The following DUSP11 variants were observed in gnomAD, a reference collection of about 807,000 sequenced individuals.
DUSP11 encodes the protein dual specificity phosphatase 11.
DUSP11 carries 27 observed loss-of-function variants against 41.4 expected under a neutral mutation model. The ratio of observed to expected loss-of-function variants is 0.65; its 90% CI spans 0.48 to 0.90. The LOEUF (loss-of-function observed/expected upper bound fraction) is 0.90, where lower values mean the gene tolerates loss of function less well. Ranked by LOEUF, DUSP11 falls within the 40% of genes least tolerant of loss-of-function variation. DUSP11 has a pLI of 0.00. For missense variants in DUSP11, 465 were observed against 461.1 expected (o/e 1.01, Z -0.08); for synonymous variants, 188 against 159.3 (o/e 1.18, Z -1.35).
chr2:73,779,258 A>C (rs1307518317), intron 1 of DUSP11, among the ~76,000 whole-genome samples: 1 of 152,210 alleles, frequency 6.6e-6, no homozygotes, highest in African/African-American at 2.4e-5. Flanking sequence ...TACTGACAGA[A>C]AGTGACAGTC....
At chr2:73,769,688 A>G (rs939802216) in intron 4 of DUSP11, among the ~76,000 whole-genome samples, 1 of 152,242 alleles carries the variant, frequency 6.6e-6, no homozygotes, top group Non-Finnish European at 1.5e-5. Context: ...AACAAATAAA[A>G]GGCCTTCACT....
intron 5 of DUSP11, chr2:73,768,809 A>T (rs1376255043): frequency 3.3e-6 from 1 of 305,382 alleles, no homozygotes; most frequent in Non-Finnish European, 4.8e-6. Flanking sequence ...ACAAAAAATT[A>T]GCCGGGCGTG....
intron 1 of DUSP11, among the ~76,000 whole-genome samples, chr2:73,779,050 C>T (rs1463875014): frequency 1.3e-5 from 2 of 152,128 alleles, no homozygotes; most frequent in East Asian, 3.9e-4. Flanking sequence ...ACTTGGGCGG[C>T]TGAGGGAGGA....
At chr2:73,763,745 T>C (rs989261270) in intron 8 of DUSP11, among the ~76,000 whole-genome samples, 1 of 151,286 alleles carries the variant, frequency 6.6e-6, no homozygotes, top group Non-Finnish European at 1.5e-5. Context: ...TAAAGAAACT[T>C]TGGAAATATG....
chr2:73,764,531 A>C (rs777001710), intron 8 of DUSP11, among the ~76,000 whole-genome samples: 1 of 152,230 alleles, frequency 6.6e-6, no homozygotes, highest in Non-Finnish European at 1.5e-5. Context: ...TATTATTAAA[A>C]TATCTATCTG....
At chr2:73,773,269 T>C (rs1449737108) in intron 4 of DUSP11, 1 of 155,154 alleles carries the variant, frequency 6.4e-6, no homozygotes, top group Non-Finnish European at 1.4e-5. Context: ...AGAAATATCT[T>C]TTTTTTAATT....
rs1257518901 is a variant in DUSP11, at chr2:73,775,063, T to C, written c.319-19A>G. ...CAAAACTCTGTCACAGAGAATGAAATAAGAGCAAATATGTGCTTAAAATCC... is the reference window on the plus strand; with the variant it reads ...CAAAACTCTGTCACAGAGAATGAAACAAGAGCAAATATGTGCTTAAAATCC... On this transcript the variant is annotated intron_variant, in intron 2 of 8. Coordinates refer to ENST00000272444, the Ensembl canonical transcript of DUSP11. 1.2e-6 allele frequency: 2 copies of C among 1,603,256 alleles called. No individual in the cohort carries two copies. Among genetic ancestry groups the C allele is most frequent in the Admixed American group, 3.5e-5 (2 of 57,666 alleles).
intron 1 of DUSP11, among the ~76,000 whole-genome samples, chr2:73,779,049 G>T (rs1672740848): frequency 6.6e-6 from 1 of 152,078 alleles, no homozygotes; most frequent in African/African-American, 2.4e-5. Context: ...AACTTGGGCG[G>T]CTGAGGGAGG....
At chr2:73,771,411 T>A (rs1023520763) in intron 4 of DUSP11, among the ~76,000 whole-genome samples, 1 of 152,228 alleles carries the variant, frequency 6.6e-6, no homozygotes, top group African/African-American at 2.4e-5. Flanking sequence ...GCTCGAATGT[T>A]GTCTCCTGTC....
intron 5 of DUSP11, 67 bp downstream of exon 5, chr2:73,769,198 C>T (rs1672527134): frequency 2.2e-6 from 3 of 1,389,360 alleles, no homozygotes; most frequent in Non-Finnish European, 3.0e-6. Flanking sequence ...TTTTTACAAC[C>T]TTACATTACC....
chr2:73,774,980 C>T (rs753542211), exon 3 of DUSP11: 50 of 1,611,956 alleles, frequency 3.1e-5, no homozygotes, highest in South Asian at 1.2e-4. Flanking sequence ...ATTTTGTTCT[C>T]GGATTTTGTT....
At chr2:73,774,415 T>A (rs192384852) in intron 3 of DUSP11, among the ~76,000 whole-genome samples, 6 of 152,198 alleles carry the variant, frequency 3.9e-5, no homozygotes, top group Admixed American at 6.5e-5. Flanking sequence ...CAAAATCATT[T>A]TAACCATCCA....
At chr2:73,775,567 T>G (rs1573184403) in intron 2 of DUSP11, among the ~76,000 whole-genome samples, 1 of 142,014 alleles carries the variant, frequency 7.0e-6, no homozygotes, top group Non-Finnish European at 1.5e-5. Context: ...TTTAAAGAGA[T>G]AGGGTCAGCT....
At chr2:73,769,087 T>G (rs1252230932) in intron 5 of DUSP11, 178 bp downstream of exon 5, 1 of 545,836 alleles carries the variant, frequency 1.8e-6, no homozygotes, top group Non-Finnish European at 3.2e-6. Flanking sequence ...TATCTGCATT[T>G]TTAGAGTCTG....
chr2:73,779,724 G>A, intron 1 of DUSP11, 150 bp downstream of exon 1: 2 of 1,169,524 alleles, frequency 1.7e-6, no homozygotes, highest in East Asian at 2.5e-5. Flanking sequence ...CAGCTACAGC[G>A]GGTGGCGCAG....
At chr2:73,775,740 A>T (rs1336733960) in intron 2 of DUSP11, among the ~76,000 whole-genome samples, 1 of 150,302 alleles carries the variant, frequency 6.7e-6, no homozygotes, top group Non-Finnish European at 1.5e-5. Context: ...CTGTAGTCCC[A>T]GCTACCGGGA....
chr2:73,764,857 T>G (rs557542120), intron 8 of DUSP11, among the ~76,000 whole-genome samples: 2 of 152,158 alleles, frequency 1.3e-5, no homozygotes, highest in Admixed American at 6.5e-5. Flanking sequence ...TCCCAGCTAC[T>G]CGGGAGGCTG....
chr2:73,773,918 C>A (rs752718443), exon 4 of DUSP11: 2 of 1,592,498 alleles, frequency 1.3e-6, no homozygotes, highest in Non-Finnish European at 1.7e-6. Flanking sequence ...CAGTTTCTGG[C>A]AAATCCTATA....
At chr2:73,780,044 A>G in exon 1 of DUSP11, 1 of 1,613,114 alleles carries the variant, frequency 6.2e-7, no homozygotes, top group African/African-American at 1.3e-5. Context: ...CCTCAATGCC[A>G]GGATAAGACC....
Sources: gnomAD v4.1 joint callset for allele counts (sites outside exome capture counted in the v4.1 genomes callset) on GRCh38, gnomAD v4.1.1 for gene constraint, MANE v1.5 for transcripts, NCBI Gene and HGNC (gene_info 2026-07-23, HGNC 2026-07-21) for gene names.